The following PRR16 variants were observed in gnomAD, a reference collection of about 807,000 sequenced individuals.
PRR16 encodes the protein protein Largen.
In PRR16, 6 loss-of-function variants were observed where a neutral mutation model predicts 18.2. The ratio of observed to expected loss-of-function variants is 0.33; its 90% confidence interval spans 0.18 to 0.65. PRR16 has a LOEUF of 0.65. Among genes scored for constraint, PRR16 ranks in the 30% least tolerant of loss-of-function variants. The pLI is 0.74. For missense variants in PRR16, 412 were observed against 376.6 expected (o/e 1.09, Z -0.78); for synonymous variants, 151 against 147.8 (o/e 1.02, Z -0.16).
At chr5:120,626,672 A>G (rs970472762) in intron 1 of PRR16, among the ~76,000 whole-genome samples, 4 of 152,164 alleles carry the variant, frequency 2.6e-5, no homozygotes, top group African/African-American at 9.6e-5. Context: ...GCCCAGAAGT[A>G]CCATAGTTTA....
the PRR16 span, among the ~76,000 whole-genome samples, chr5:120,772,851 GC>G: frequency 6.6e-6 from 1 of 151,926 alleles, no homozygotes; most frequent in Non-Finnish European, 1.5e-5. Flanking sequence ...ATCCCTTCAA[GC>G]CATATACAGT....
the PRR16 span, among the ~76,000 whole-genome samples, chr5:120,696,372 A>G: frequency 6.6e-6 from 1 of 152,206 alleles, no homozygotes; most frequent in African/African-American, 2.4e-5. Flanking sequence ...TTTTTCTTAA[A>G]TTAGCAGTAT....
chr5:120,494,221 TA>T (rs1465590248), intron 1 of PRR16, among the ~76,000 whole-genome samples: 1 of 152,168 alleles, frequency 6.6e-6, no homozygotes, highest in Non-Finnish European at 1.5e-5. Flanking sequence ...TTTTTCTAGT[TA>T]TTCTGAGTGT....
the PRR16 span, among the ~76,000 whole-genome samples, chr5:120,724,065 G>T: frequency 6.6e-6 from 1 of 151,114 alleles, no homozygotes; most frequent in Non-Finnish European, 1.5e-5. Flanking sequence ...GTTTTTCAGG[G>T]TTGACATCCT....
At chr5:120,750,004 A>C in the PRR16 span, among the ~76,000 whole-genome samples, 4 of 152,170 alleles carry the variant, frequency 2.6e-5, no homozygotes, top group Admixed American at 1.3e-4. Flanking sequence ...AATATGTTTG[A>C]AGCCAGAAAA....
the PRR16 span, among the ~76,000 whole-genome samples, chr5:120,760,105 T>C: frequency 1.3e-5 from 2 of 152,148 alleles, no homozygotes; most frequent in Non-Finnish European, 2.9e-5. Context: ...TAAGTTAATT[T>C]TGATATTACT....
chr5:120,543,212 G>A (rs993208074), intron 1 of PRR16, among the ~76,000 whole-genome samples: 5 of 151,980 alleles, frequency 3.3e-5, no homozygotes, highest in Admixed American at 3.3e-4. Context: ...TACTTGCTTG[G>A]GAAATTTTTG....
At chr5:120,611,197 G>T (rs996579119) in intron 1 of PRR16, among the ~76,000 whole-genome samples, 6 of 152,300 alleles carry the variant, frequency 3.9e-5, no homozygotes, top group Admixed American at 3.9e-4. Flanking sequence ...GGTGACTTGG[G>T]TGCTGTTAAA....
At chr5:120,497,115 G>A (rs1580648740) in intron 1 of PRR16, among the ~76,000 whole-genome samples, 2 of 152,008 alleles carry the variant, frequency 1.3e-5, no homozygotes, top group South Asian at 2.1e-4. Flanking sequence ...CTTGTTTCAC[G>A]GCTCAGAATA....
chr5:120,665,428 G>C (rs984037317), intron 1 of PRR16, among the ~76,000 whole-genome samples: 11 of 151,926 alleles, frequency 7.2e-5, no homozygotes, highest in Admixed American at 2.0e-4. Flanking sequence ...TCTGATGGTA[G>C]TTTCTTTTGC....
rs541221162 is a variant in PRR16, at chr5:120,490,139, C to G, written c.159+25494C>G. On this transcript the variant is annotated intron_variant, in intron 1 of 1. Coordinates refer to ENST00000407149, the MANE Select transcript of PRR16 (RefSeq NM_001300783.2). ...CTGACAATTATGTGTCTTGGAGTTGCTGTTCTCGAGGAGTATCTTTGTGGC... is the reference window on the plus strand; with the variant it reads ...CTGACAATTATGTGTCTTGGAGTTGGTGTTCTCGAGGAGTATCTTTGTGGC... 3.8e-3 allele frequency among the ~76,000 whole-genome samples: 573 copies of G among 152,148 alleles called. 2 individuals carry two copies. The highest frequency in any genetic ancestry group is 0.013 in the African/African-American group (536 of 41,504).
chr5:120,694,167 C>T, the PRR16 span, among the ~76,000 whole-genome samples: 1 of 152,244 alleles, frequency 6.6e-6, no homozygotes, highest in Admixed American at 6.5e-5. Context: ...TACCAAATTA[C>T]TCGTGTTCTT....
the PRR16 span, among the ~76,000 whole-genome samples, chr5:120,709,303 G>A: frequency 6.6e-6 from 1 of 151,832 alleles, no homozygotes; most frequent in East Asian, 1.9e-4. Flanking sequence ...CACCGCACCC[G>A]GCCGCAATTA....
At chr5:120,749,806 G>A in the PRR16 span, among the ~76,000 whole-genome samples, 2 of 152,110 alleles carry the variant, frequency 1.3e-5, no homozygotes, top group African/African-American at 4.8e-5. Context: ...CGTTTGAATA[G>A]TCTGTGTCTT....
intron 1 of PRR16, among the ~76,000 whole-genome samples, chr5:120,518,582 A>G (rs537341001): frequency 7.3e-5 from 11 of 150,578 alleles, no homozygotes; most frequent in Non-Finnish European, 8.9e-5. Context: ...TTTTTTTAAT[A>G]GAGGCTGCTG....
chr5:120,673,275 C>T (rs1420064466), intron 1 of PRR16, among the ~76,000 whole-genome samples: 5 of 152,150 alleles, frequency 3.3e-5, no homozygotes, highest in Non-Finnish European at 5.9e-5. Context: ...AACAGCATTT[C>T]GGCATGTGCC....
intron 1 of PRR16, among the ~76,000 whole-genome samples, chr5:120,622,535 A>G (rs1306969235): frequency 1.3e-5 from 2 of 151,804 alleles, no homozygotes; most frequent in African/African-American, 4.8e-5. Flanking sequence ...CTGGAGTGCA[A>G]TGGCATGATC....
the PRR16 span, among the ~76,000 whole-genome samples, chr5:120,745,731 C>G: frequency 6.6e-6 from 1 of 151,720 alleles, no homozygotes; most frequent in Non-Finnish European, 1.5e-5. Flanking sequence ...TAGAGTCTCA[C>G]TCTGTCACCA....
At chr5:120,493,191 C>G (rs11747433) in intron 1 of PRR16, among the ~76,000 whole-genome samples, 2,407 of 150,878 alleles carry the variant, frequency 0.016, 42 homozygotes, top group Non-Finnish European at 0.021. Flanking sequence ...TAAAATGGTT[C>G]TCTTTTCACC....
Sources: gnomAD v4.1 joint callset for allele counts (sites outside exome capture counted in the v4.1 genomes callset) on GRCh38, gnomAD v4.1.1 for gene constraint, MANE v1.5 for transcripts, NCBI Gene and HGNC (gene_info 2026-07-23, HGNC 2026-07-21) for gene names.